Variants in POFUT2 observed in about 807,000 individuals in gnomAD.
POFUT2 encodes the protein protein O-fucosyltransferase 2, also known as GDP-fucose protein O-fucosyltransferase 2.
A neutral mutation model predicts 55.0 loss-of-function variants in POFUT2; 30 were observed. The observed-to-expected ratio is 0.55, with a 90% CI of 0.41 to 0.74. The LOEUF is 0.74. Among genes scored for constraint, POFUT2 ranks in the 30% least tolerant of loss-of-function variants. POFUT2 has a pLI of 0.00. For missense variants in POFUT2, 524 were observed against 562.6 expected, an observed-to-expected ratio of 0.93 and a Z score of 0.69; for synonymous variants, 267 against 231.1, an observed-to-expected ratio of 1.16 and a Z score of -1.41.
chr21:45,285,816 C>T lies in POFUT2; in HGVS notation c.244G>A (p.Val82Ile). ...TLLKTEEWVL[V>I]LPPWGRLYHW... The stretch of plus-strand genomic sequence containing the variant: ...TAGAGGCGGCCCCATGGAGGCAGGA[C>T]AAGCACCCACTCCTCCGTCTTCAGC... The change falls in exon 2 of 9, where the codon GTC becomes ATC. Residue 82 changes from valine to isoleucine, a missense_variant. Coordinates refer to ENST00000349485, the MANE Select transcript of POFUT2 (RefSeq NM_133635.6). The surrounding 1 kb of genome is among the most constrained non-coding windows in gnomAD (Gnocchi z 4.9). 1.2e-6 allele frequency: 2 copies of T among 1,613,612 alleles called. No individual in the cohort carries two copies. The highest frequency in any genetic ancestry group is 1.7e-6 in the Non-Finnish European group (2 of 1,180,010).
intron 3 of POFUT2, 156 bp downstream of exon 3, chr21:45,283,227 T>C: frequency 2.7e-6 from 1 of 375,842 alleles, no homozygotes; most frequent in East Asian, 5.3e-5. Context: ...GAAGACACCG[T>C]GGCGGGGGGA....
intron 7 of POFUT2, among the ~76,000 whole-genome samples, chr21:45,269,088 C>T (rs1351696555): frequency 1.5e-5 from 2 of 137,880 alleles, no homozygotes; most frequent in Admixed American, 7.0e-5. Flanking sequence ...AGGTGAGGGG[C>T]GCCTCTGCCC....
chr21:45,277,536 C>T lies in POFUT2; in HGVS notation c.706-394G>A. 1 of 257,706 alleles carries T rather than the reference C, an allele frequency of 3.9e-6. No homozygotes were observed. 16.0% of individuals were successfully genotyped at this position (257,706 alleles called of 1,614,324 possible). A position where few individuals can be genotyped will look rare whatever the true frequency, so the allele number is the denominator to read the frequency against. ...CCAAACGGGGTGGGACTGACCTGCA[C>T]AAAGTCCCACGTGAGCAGGGACTGT... On this transcript the variant is annotated intron_variant, in intron 5 of 8. Coordinates refer to ENST00000349485, the MANE Select transcript of POFUT2 (RefSeq NM_133635.6). The surrounding 1 kb of genome is among the most constrained non-coding windows in gnomAD (Gnocchi z 6.9).
intron 8 of POFUT2, chr21:45,266,141 G>A (rs1420576446): frequency 5.9e-6 from 8 of 1,365,242 alleles, no homozygotes; most frequent in Non-Finnish European, 7.8e-6. Context: ...CTTCTCCAGG[G>A]GTTTCTCCAG....
Position 45,287,745 on chromosome 21 carries a change from T to C in POFUT2, c.127A>G (p.Arg43Gly). The change falls in exon 1 of 9, where the codon AGA becomes GGA. Residue 43 changes from arginine (R) to glycine (G), a missense_variant. This residue lies in a region of POFUT2 where 274 missense variants were observed against 244.4 expected (regional missense o/e 1.12). Coordinates refer to ENST00000349485, the MANE Select transcript of POFUT2 (RefSeq NM_133635.6). The part of the protein sequence containing the change: ...ADILSGAASR[R>G]RYLLYDVNPP... Reference sequence around the variant, plus strand: ...GCACCGTGGACGCGCGTTTACCGTCTGCGGGAAGCCGCCCCCGACAGAATA... The same window carrying C: ...GCACCGTGGACGCGCGTTTACCGTCCGCGGGAAGCCGCCCCCGACAGAATA... The C allele has an allele frequency of 7.3e-7, 1 of 1,369,998 alleles. No homozygotes were observed. The highest frequency in any genetic ancestry group is 9.6e-7 in the Non-Finnish European group (1 of 1,044,000). The allele number at this position is 1,369,998 out of a possible 1,614,324, so 84.9% of individuals were successfully genotyped here.
chr21:45,277,544 C>T lies in POFUT2; in HGVS notation c.706-402G>A, dbSNP rs556732892. On this transcript the variant is annotated intron_variant, in intron 5 of 8. Transcript: ENST00000349485. The surrounding 1 kb of genome is among the most constrained non-coding windows in gnomAD (Gnocchi z 6.9). ...GGTGGGACTGACCTGCACAAAGTCC[C>T]ACGTGAGCAGGGACTGTGTCTCCTG... 7.2e-4 allele frequency: 177 copies of T among 244,390 alleles called. No homozygotes were observed. The highest frequency in any genetic ancestry group is 1.2e-3 in the Non-Finnish European group (146 of 123,736). The allele number at this position is 244,390 out of a possible 1,614,324, so 15.1% of individuals were successfully genotyped here. A position where few individuals can be genotyped will look rare whatever the true frequency, so the allele number is the denominator to read the frequency against.
intron 4 of POFUT2, 54 bp from the exon 5 acceptor site, chr21:45,278,223 T>C (rs1602198475): frequency 9.0e-6 from 13 of 1,447,920 alleles, no homozygotes; most frequent in African/African-American, 1.4e-5. Context: ...GATGATGACA[T>C]TCACACTCTC....
rs2093135724 is a variant in POFUT2, at chr21:45,264,405, A to G, written c.*1077T>C. 1 of 152,164 alleles carries G rather than the reference A, an allele frequency of 6.6e-6. No individual in the cohort carries two copies. The highest frequency in any genetic ancestry group is 2.4e-5 in the African/African-American group (1 of 41,426). The allele number at this position is 152,164 out of a possible 1,614,324, so 9.4% of individuals were successfully genotyped here. On this transcript the variant is annotated 3_prime_UTR_variant, in exon 9 of 9. Transcript: ENST00000349485. ...CCCTGACCCTGAGGACCCCTGAGGC[A>G]CTGCTGCACCTTCCACGGATTCTGT...
chr21:45,266,290 C>G (rs116817686), intron 8 of POFUT2: 14 of 1,366,460 alleles, frequency 1.0e-5, no homozygotes, highest in Non-Finnish European at 1.4e-5. Context: ...CAGCGCTGTA[C>G]ACAGAGCCAC....
intron 7 of POFUT2, among the ~76,000 whole-genome samples, chr21:45,269,390 T>G (rs1231748499): frequency 6.6e-6 from 1 of 152,042 alleles, no homozygotes; most frequent in African/African-American, 2.4e-5. Flanking sequence ...ATGGTTGCCG[T>G]GTCTGTGTAG....
intron 8 of POFUT2, chr21:45,266,346 C>A: frequency 7.5e-7 from 1 of 1,335,112 alleles, no homozygotes. Context: ...CGGGGTGCAG[C>A]ACTGGTGGGG....
chr21:45,266,419 G>A (rs1033002523), intron 8 of POFUT2: 2 of 1,195,888 alleles, frequency 1.7e-6, no homozygotes, highest in Middle Eastern at 2.9e-4. Context: ...CGGAGGCAGG[G>A]CAGCTTCAGT....
At chr21:45,272,234 A>T (rs1238847939) in intron 6 of POFUT2, among the ~76,000 whole-genome samples, 3 of 152,234 alleles carry the variant, frequency 2.0e-5, no homozygotes, top group Non-Finnish European at 4.4e-5. Context: ...ATGCAAATGG[A>T]CACCAAAAGC....
intron 2 of POFUT2, 51 bp from the exon 3 acceptor site, chr21:45,283,578 C>T: frequency 1.9e-6 from 3 of 1,595,932 alleles, no homozygotes; most frequent in Non-Finnish European, 2.6e-6. Flanking sequence ...CAGAAGCTCA[C>T]TTACGGGCAT....
intron 8 of POFUT2, chr21:45,266,254 T>A: frequency 7.3e-7 from 1 of 1,367,508 alleles, no homozygotes; most frequent in Non-Finnish European, 9.8e-7. Flanking sequence ...ACCCCAGAGA[T>A]GTTTCCAGAG....
At chr21:45,276,434 GT>G (rs1431456650) in intron 6 of POFUT2, among the ~76,000 whole-genome samples, 1 of 152,020 alleles carries the variant, frequency 6.6e-6, no homozygotes, top group Non-Finnish European at 1.5e-5. Flanking sequence ...TGAAAGTTTT[GT>G]TTAAAAAACG....
chr21:45,279,202 T>C lies in POFUT2; in HGVS notation c.639-1033A>G, dbSNP rs573500587. ...GTCAGGAGATCGAGACCATCCTGGC[T>C]AAGACGGTGAAACCCCGTCTCTACT... On this transcript the variant is annotated intron_variant, in intron 4 of 8. Coordinates refer to ENST00000349485, the MANE Select transcript of POFUT2 (RefSeq NM_133635.6). Among the ~76,000 whole-genome samples the C allele has an allele frequency of 7.4e-5, 11 of 149,610 alleles. No homozygotes were observed. In the South Asian group the frequency reaches 1.3e-3, roughly 17 times the overall value.
Position 45,283,431 on chromosome 21 carries a change from G to T in POFUT2, c.479C>A (p.Pro160Gln). ...GTWEEKVDER[P>Q]CIDQLLYSQD... ...GGAGTACAGGAGCTGATCAATACAC[G>T]GCCGCTCGTCCACCTTCTCTTCCCA... The change falls in exon 3 of 9, where the codon CCG becomes CAG. Residue 160 changes from proline to glutamine, a missense_variant. Around this residue, in one of 2 missense-constraint regions of POFUT2, gnomAD observed 274 missense variants for 244.4 expected, o/e 1.12. Coordinates refer to ENST00000349485, the MANE Select transcript of POFUT2 (RefSeq NM_133635.6). 6.2e-7 allele frequency: 1 copy of T among 1,613,494 alleles called. No homozygotes were observed. Among genetic ancestry groups the T allele is most frequent in the Non-Finnish European group, 8.5e-7 (1 of 1,179,828 alleles).
chr21:45,265,786 C>T lies in POFUT2; in HGVS notation c.1137-151G>A. 1 of 1,430,132 alleles carries T rather than the reference C, an allele frequency of 7.0e-7. No homozygotes were observed. Among genetic ancestry groups the T allele is most frequent in the South Asian group, 1.5e-5 (1 of 67,802 alleles). 88.6% of individuals were successfully genotyped at this position (1,430,132 alleles called of 1,614,324 possible). ...CGTCCCCCGAGCACCCACCAGCCGG[C>T]CGCCCCCTTGCTGGCACCCCTCGCT... On this transcript the variant is annotated intron_variant, in intron 8 of 8. Transcript: ENST00000349485. This position sits in a 1 kb window ranked among gnomAD's most constrained non-coding sequence, Gnocchi z 4.6.
Sources: allele counts gnomAD v4.1 joint callset (sites outside exome capture counted in the v4.1 genomes callset), GRCh38; gene constraint gnomAD v4.1.1; regional missense constraint gnomAD v4.1.1; non-coding constraint Gnocchi (gnomAD v3.1); transcripts MANE v1.5; gene names NCBI Gene and HGNC (gene_info 2026-07-23, HGNC 2026-07-21).